The following DCLK1 variants were observed in gnomAD, a reference collection of about 807,000 sequenced individuals.
DCLK1 encodes the protein serine/threonine-protein kinase DCLK1.
DCLK1 carries 16 observed loss-of-function variants against 86.2 expected under a neutral mutation model. The observed-to-expected ratio is 0.19, with a 90% CI of 0.13 to 0.28. The LOEUF (loss-of-function observed/expected upper bound fraction) is 0.28. DCLK1 is among the 10% of genes least tolerant of loss of function. The probability of loss-of-function intolerance (pLI) is 1.00; values close to 1 mark genes in which losing one functional copy is unlikely to be tolerated. For missense variants in DCLK1, 590 were observed against 940.2 expected (o/e 0.63, Z 4.87); for synonymous variants, 369 against 370.5 (o/e 1.00, Z 0.05).
chr13:35,935,808 G>A (rs1876722355), intron 4 of DCLK1, among the ~76,000 whole-genome samples: 2 of 152,114 alleles, frequency 1.3e-5, no homozygotes, highest in Admixed American at 6.5e-5. Context: ...TATCTGTGTG[G>A]CCTTGAACAA....
chr13:36,060,223 A>G (rs1224873158), intron 3 of DCLK1, among the ~76,000 whole-genome samples: 2 of 152,206 alleles, frequency 1.3e-5, no homozygotes, highest in Non-Finnish European at 2.9e-5. Context: ...TGAGCTATCT[A>G]TACATGAACA....
intron 3 of DCLK1, among the ~76,000 whole-genome samples, chr13:36,021,798 A>T (rs1273239397): frequency 6.6e-6 from 1 of 152,110 alleles, no homozygotes; most frequent in Non-Finnish European, 1.5e-5. Flanking sequence ...CAACAATAAT[A>T]GTTAGAGACC....
intron 3 of DCLK1, among the ~76,000 whole-genome samples, chr13:36,045,703 T>C: frequency 6.6e-6 from 1 of 151,688 alleles, no homozygotes. Flanking sequence ...AACACAAAGA[T>C]TAGCCAGGTG....
intron 16 of DCLK1, among the ~76,000 whole-genome samples, chr13:35,780,651 T>A (rs950315170): frequency 1.3e-5 from 2 of 152,168 alleles, no homozygotes; most frequent in African/African-American, 2.4e-5. Flanking sequence ...TAAAATGGTA[T>A]AGAGAAATGG....
chr13:36,036,143 T>C (rs1882480092), intron 3 of DCLK1, among the ~76,000 whole-genome samples: 1 of 152,072 alleles, frequency 6.6e-6, no homozygotes, highest in Non-Finnish European at 1.5e-5. Flanking sequence ...ATAACACCCA[T>C]AAGTTACCAC....
In DCLK1 at chr13:35,772,591, C is replaced by G. The variant is rs1349536941; in HGVS notation, c.*1944G>C. ...CTGTGCCCCCTACCCCCACCTCCCC[C>G]CCAAAAACAACTCAACTAATTTACT... is the stretch of plus-strand genomic sequence containing the variant. On this transcript the variant is annotated 3_prime_UTR_variant, in exon 17 of 17. Transcript: ENST00000360631. The G allele has an allele frequency of 1.3e-5, 2 of 151,968 alleles. No individual in the cohort carries two copies. Among genetic ancestry groups the G allele is most frequent in the East Asian group, 1.9e-4 (1 of 5,168 alleles). 9.4% of individuals were successfully genotyped at this position (151,968 alleles called of 1,614,324 possible).
intron 3 of DCLK1, among the ~76,000 whole-genome samples, chr13:35,951,270 CATGGATGG>C (rs113236728): frequency 0.072 from 10,470 of 145,206 alleles, 1,001 homozygotes; most frequent in African/African-American, 0.23. Flanking sequence ...TGGATGGATG[CATGGATGG>C]ATGGATGGAT....
At chr13:35,909,454 C>T (rs982263587) in intron 4 of DCLK1, among the ~76,000 whole-genome samples, 3 of 152,126 alleles carry the variant, frequency 2.0e-5, no homozygotes, top group African/African-American at 7.2e-5. Context: ...TACTTTGCCT[C>T]TCTAAGACTT....
At chr13:36,122,599 C>T (rs1457087088) in intron 2 of DCLK1, among the ~76,000 whole-genome samples, 4 of 152,094 alleles carry the variant, frequency 2.6e-5, no homozygotes, top group Admixed American at 2.0e-4. Context: ...TACCTACCTA[C>T]AGTAGAATAT....
At chr13:36,008,272 T>G (rs1189665442) in intron 3 of DCLK1, among the ~76,000 whole-genome samples, 3 of 124,772 alleles carry the variant, frequency 2.4e-5, no homozygotes, top group African/African-American at 9.3e-5. Flanking sequence ...GTGCACATTG[T>G]GCAGGTTAGT....
intron 1 of DCLK1, among the ~76,000 whole-genome samples, chr13:36,129,664 G>C (rs984047030): frequency 9.2e-5 from 14 of 152,190 alleles, no homozygotes; most frequent in Non-Finnish European, 8.8e-5. Flanking sequence ...GCACAGGAAG[G>C]CTGCGAGAAC....
intron 15 of DCLK1, among the ~76,000 whole-genome samples, chr13:35,802,731 G>T (rs1028623954): frequency 3.9e-5 from 6 of 152,088 alleles, no homozygotes; most frequent in African/African-American, 1.4e-4. Flanking sequence ...AGGATGACTT[G>T]CAAAGGATGA....
At chr13:35,942,323 C>T (rs1268984631) in intron 4 of DCLK1, among the ~76,000 whole-genome samples, 3 of 152,104 alleles carry the variant, frequency 2.0e-5, no homozygotes, top group Admixed American at 2.0e-4. Context: ...CATGCCACCA[C>T]ACCCAGCTAA....
chr13:35,827,764 G>T lies in DCLK1; in HGVS notation c.1288-10C>A. On this transcript the variant is annotated splice_polypyrimidine_tract_variant and intron_variant, in intron 9 of 16. Transcript: ENST00000360631. ...TCTGGATCATGTGCTCCTGTCCAAA[G>T]GAAAAGTTATCTTCATCAGCTTCCA... 1 of 1,613,148 alleles carries T rather than the reference G, an allele frequency of 6.2e-7. No homozygotes were observed. Among genetic ancestry groups the T allele is most frequent in the Non-Finnish European group, 8.5e-7 (1 of 1,179,930 alleles).
intron 3 of DCLK1, among the ~76,000 whole-genome samples, chr13:35,967,302 C>T (rs1486431182): frequency 9.9e-5 from 15 of 152,164 alleles, no homozygotes; most frequent in South Asian, 2.1e-4. Context: ...CCCCTCTGCC[C>T]GGCCGCCACC....
intron 3 of DCLK1, among the ~76,000 whole-genome samples, chr13:35,972,294 C>T (rs551174001): frequency 2.0e-5 from 3 of 151,834 alleles, no homozygotes; most frequent in East Asian, 1.9e-4. Flanking sequence ...GATGGGGTGT[C>T]GCTATGCAAT....
intron 15 of DCLK1, among the ~76,000 whole-genome samples, chr13:35,799,973 T>A (rs1345001529): frequency 6.6e-6 from 1 of 152,222 alleles, no homozygotes; most frequent in Non-Finnish European, 1.5e-5. Flanking sequence ...TGGGATAATT[T>A]TGTTGGTATT....
chr13:35,977,910 T>C (rs1167048170), intron 3 of DCLK1, among the ~76,000 whole-genome samples: 1 of 152,010 alleles, frequency 6.6e-6, no homozygotes, highest in South Asian at 2.1e-4. Flanking sequence ...CATAAGTTAA[T>C]AGGACTAACG....
At chr13:35,950,204 A>G (rs1480620953) in intron 3 of DCLK1, among the ~76,000 whole-genome samples, 1 of 152,234 alleles carries the variant, frequency 6.6e-6, no homozygotes, top group Non-Finnish European at 1.5e-5. Flanking sequence ...AAGAGTTGAT[A>G]GCAAAGGAGA....
Sources: gnomAD v4.1 joint callset for allele counts (sites outside exome capture counted in the v4.1 genomes callset) on GRCh38, gnomAD v4.1.1 for gene constraint, MANE v1.5 for transcripts, NCBI Gene and HGNC (gene_info 2026-07-23, HGNC 2026-07-21) for gene names.